The following FMNL2 variants were observed in gnomAD, a reference collection of about 807,000 sequenced individuals.
FMNL2 encodes the protein formin like 2, also known as formin-like protein 2.
A neutral mutation model predicts 130.2 loss-of-function variants in FMNL2; 51 were observed. The observed-to-expected ratio is 0.39, with a 90% confidence interval of 0.31 to 0.49. The LOEUF is 0.49. Among genes scored for constraint, FMNL2 ranks in the 20% least tolerant of loss-of-function variants. The pLI is 0.85. For synonymous variants in FMNL2, 465 were observed against 467.1 expected, an observed-to-expected ratio of 1.00 and a Z score of 0.06; for missense variants, 977 against 1,316.2, an observed-to-expected ratio of 0.74 and a Z score of 3.99.
rs139050107 is a variant in FMNL2, at chr2:152,575,790, T to G, written c.705+546T>G. On this transcript the variant is annotated intron_variant, in intron 7 of 25. Coordinates refer to ENST00000288670, the MANE Select transcript of FMNL2 (RefSeq NM_052905.4). ...AGACAGTGGTTCTCAAAGGGTTATATGGCAAACAGGCAAAAAGTTACAATT... is the reference window on the plus strand; with the variant it reads ...AGACAGTGGTTCTCAAAGGGTTATAGGGCAAACAGGCAAAAAGTTACAATT... Among the ~76,000 whole-genome samples the G allele has an allele frequency of 1.7e-4, 26 of 152,302 alleles. No individual in the cohort carries two copies. The East Asian group carries it at 4.8e-3, about 28-fold the overall frequency.
chr2:152,375,118 T>C (rs899424327), intron 1 of FMNL2, among the ~76,000 whole-genome samples: 4 of 152,264 alleles, frequency 2.6e-5, no homozygotes, highest in African/African-American at 4.8e-5. Flanking sequence ...CTCCAGTGAG[T>C]TAAAGCCTTA....
intron 21 of FMNL2, 144 bp from the exon 22 acceptor site, chr2:152,636,283 G>A: frequency 5.5e-6 from 4 of 730,708 alleles, no homozygotes; most frequent in Non-Finnish European, 8.8e-6. Context: ...TGCATTAAAA[G>A]ATCTCTGTGC....
At chr2:152,525,125 C>T (rs1252091833) in intron 2 of FMNL2, among the ~76,000 whole-genome samples, 1 of 152,248 alleles carries the variant, frequency 6.6e-6, no homozygotes, top group East Asian at 1.9e-4. Context: ...CATCTGTTTC[C>T]AAACTCTACT....
At chr2:152,546,076 C>T (rs989883520) in intron 3 of FMNL2, among the ~76,000 whole-genome samples, 5 of 152,156 alleles carry the variant, frequency 3.3e-5, no homozygotes, top group Non-Finnish European at 5.9e-5. Context: ...AGTGGACCCT[C>T]TTTTATACTC....
At chr2:152,527,201 C>T (rs924090068) in intron 2 of FMNL2, among the ~76,000 whole-genome samples, 5 of 152,108 alleles carry the variant, frequency 3.3e-5, no homozygotes, top group African/African-American at 1.2e-4. Flanking sequence ...GAAGTCATTA[C>T]AGATTGATGT....
intron 1 of FMNL2, among the ~76,000 whole-genome samples, chr2:152,434,797 A>G (rs1208640398): frequency 3.9e-5 from 6 of 152,080 alleles, no homozygotes; most frequent in South Asian, 4.1e-4. Context: ...AGCTTAAGCT[A>G]CTTATTCAGA....
chr2:152,521,568 T>C (rs1243417854), intron 1 of FMNL2, among the ~76,000 whole-genome samples: 3 of 152,192 alleles, frequency 2.0e-5, no homozygotes, highest in Non-Finnish European at 2.9e-5. Flanking sequence ...GTGTTCTCTT[T>C]TGGTGTTTTC....
At chr2:152,343,876 G>T (rs530973075) in intron 1 of FMNL2, among the ~76,000 whole-genome samples, 25 of 152,288 alleles carry the variant, frequency 1.6e-4, no homozygotes, top group African/African-American at 5.8e-4. Flanking sequence ...AAGTGGGCCA[G>T]GTACAGTGGC....
At chr2:152,455,766 G>A (rs1024870537) in intron 1 of FMNL2, among the ~76,000 whole-genome samples, 2 of 152,170 alleles carry the variant, frequency 1.3e-5, no homozygotes, top group African/African-American at 4.8e-5. Flanking sequence ...CCCGCCTAGA[G>A]TGTAGTGGTG....
chr2:152,625,367 G>A (rs1681709039), intron 15 of FMNL2, 71 bp from the exon 16 acceptor site: 2 of 1,538,434 alleles, frequency 1.3e-6, no homozygotes, highest in Non-Finnish European at 1.8e-6. Context: ...TGCAAGGACT[G>A]TTGTCTGATT....
At chr2:152,562,724 G>A (rs1695599153) in intron 6 of FMNL2, among the ~76,000 whole-genome samples, 1 of 152,182 alleles carries the variant, frequency 6.6e-6, no homozygotes, top group South Asian at 2.1e-4. Context: ...GAATATATGG[G>A]CTGATTTGGC....
At chr2:152,376,883 G>A (rs1379591058) in intron 1 of FMNL2, among the ~76,000 whole-genome samples, 2 of 152,164 alleles carry the variant, frequency 1.3e-5, no homozygotes, top group East Asian at 3.8e-4. Context: ...GAGGTAATCA[G>A]ATCTTGGAAA....
intron 9 of FMNL2, among the ~76,000 whole-genome samples, chr2:152,598,765 G>A (rs961519112): frequency 2.0e-5 from 3 of 152,216 alleles, no homozygotes; most frequent in African/African-American, 7.2e-5. Context: ...AAATGGGGGT[G>A]TATTAGGGCT....
intron 1 of FMNL2, among the ~76,000 whole-genome samples, chr2:152,371,475 C>T (rs1431087594): frequency 2.0e-5 from 3 of 151,942 alleles, no homozygotes; most frequent in Non-Finnish European, 4.4e-5. Flanking sequence ...TTGAAACCAT[C>T]CTGGCCAACA....
intron 1 of FMNL2, among the ~76,000 whole-genome samples, chr2:152,381,468 C>T (rs1196402647): frequency 1.3e-5 from 2 of 152,254 alleles, no homozygotes; most frequent in Non-Finnish European, 1.5e-5. Flanking sequence ...GTCTGAATAT[C>T]TTTGTTCACA....
intron 25 of FMNL2, among the ~76,000 whole-genome samples, chr2:152,646,027 T>G (rs1213558055): frequency 6.6e-6 from 1 of 151,936 alleles, no homozygotes; most frequent in African/African-American, 2.4e-5. Flanking sequence ...TTTCCTTAAA[T>G]TTAAGAGTAG....
At chr2:152,508,987 G>A (rs1011952433) in intron 1 of FMNL2, among the ~76,000 whole-genome samples, 9 of 152,290 alleles carry the variant, frequency 5.9e-5, no homozygotes, top group South Asian at 2.1e-4. Flanking sequence ...GTAGGTGTGC[G>A]CCCACCCTGG....
intron 1 of FMNL2, among the ~76,000 whole-genome samples, chr2:152,444,881 C>T (rs1033135890): frequency 2.6e-5 from 4 of 152,190 alleles, no homozygotes; most frequent in Non-Finnish European, 5.9e-5. Context: ...CCAGTAATTG[C>T]GCCCACTTAG....
At chr2:152,537,455 G>A (rs973212950) in intron 2 of FMNL2, among the ~76,000 whole-genome samples, 4 of 152,206 alleles carry the variant, frequency 2.6e-5, no homozygotes, top group Admixed American at 1.3e-4. Flanking sequence ...AAAGGCATTA[G>A]ACGGCTTTAG....
Sources: allele counts gnomAD v4.1 joint callset (sites outside exome capture counted in the v4.1 genomes callset), GRCh38; gene constraint gnomAD v4.1.1; transcripts MANE v1.5; gene names NCBI Gene and HGNC (gene_info 2026-07-23, HGNC 2026-07-21).